The following HOXB3 variants were observed in gnomAD, a reference collection of about 807,000 sequenced individuals.
The protein encoded by HOXB3 is homeobox B3.
In HOXB3, 17 loss-of-function variants were observed where a neutral mutation model predicts 29.2. The ratio of observed to expected loss-of-function variants is 0.58; its 90% CI spans 0.40 to 0.87. The LOEUF is 0.87. Among genes scored for constraint, HOXB3 ranks in the 40% least tolerant of loss-of-function variants. The probability of loss-of-function intolerance (pLI) is 0.00; values close to 1 mark genes in which losing one functional copy is unlikely to be tolerated. For synonymous variants in HOXB3, 317 were observed against 285.9 expected, an observed-to-expected ratio of 1.11 and a Z score of -1.10; for missense variants, 637 against 616.3, an observed-to-expected ratio of 1.03 and a Z score of -0.35.
chr17:48,589,852 G>T (rs958164652), intron 1 of HOXB3, among the ~76,000 whole-genome samples: 1 of 151,830 alleles, frequency 6.6e-6, no homozygotes, highest in Non-Finnish European at 1.5e-5. Flanking sequence ...CTAAATTTCC[G>T]CTGGCACTGA....
In HOXB3 at chr17:48,551,065, T is replaced by G. The variant is rs1034718978; in HGVS notation, c.565A>C (p.Lys189Gln). 1 of 1,556,632 alleles carries G rather than the reference T, an allele frequency of 6.4e-7. No homozygotes were observed. The highest frequency in any genetic ancestry group is 1.7e-4 in the Middle Eastern group (1 of 5,824). ...CTCGTGTACGCCGTCCGCGCCCGCT[T>G]GGACGCCGCCGACCCCGGGGGGCTC... ...DKSPPGSAAS[K>Q]RARTAYTSAQ... Residue 189 changes from lysine to glutamine, a missense_variant, in exon 5 of 5, where the codon AAG (lysine) becomes CAG (glutamine). Physicochemically the swap from Lys to Gln is moderately conservative, Grantham distance 53 (BLOSUM62 1). Coordinates refer to ENST00000498678, the MANE Select transcript of HOXB3 (RefSeq NM_001384749.1).
chr17:48,555,982 C>T (rs1434439497), intron 2 of HOXB3, among the ~76,000 whole-genome samples: 2 of 151,996 alleles, frequency 1.3e-5, no homozygotes, highest in African/African-American at 2.4e-5. Flanking sequence ...CACAGACACA[C>T]ACACACACTC....
rs1004684805 is a variant in HOXB3 at position 48,550,680 on chromosome 17, G to A, written c.950C>T (p.Ala317Val). Reference sequence around the variant, plus strand: ...CGGGGTCGGAGGGTACTTCTGCGGGGCGCCGCAGCCTTTGAGAGGGGGCTG... The same window carrying A: ...CGGGGTCGGAGGGTACTTCTGCGGGACGCCGCAGCCTTTGAGAGGGGGCTG... ...NYQPPLKGCG[A>V]PQKYPPTPAP... Residue 317 changes from alanine to valine, a missense_variant, in exon 5 of 5, where the codon GCC becomes GTC. Physicochemically the swap from Ala to Val is moderately conservative, Grantham distance 64. Coordinates refer to ENST00000498678, the MANE Select transcript of HOXB3 (RefSeq NM_001384749.1). The A allele has an allele frequency of 5.2e-6, 8 of 1,532,014 alleles. No homozygotes were observed. Among genetic ancestry groups the A allele is most frequent in the East Asian group, 2.3e-5 (1 of 44,104 alleles). The allele number at this position is 1,532,014 out of a possible 1,614,324, so 94.9% of individuals were successfully genotyped here.
At chr17:48,584,301 A>T (rs901811140) in intron 1 of HOXB3, among the ~76,000 whole-genome samples, 1 of 152,208 alleles carries the variant, frequency 6.6e-6, no homozygotes, top group Non-Finnish European at 1.5e-5. Context: ...GAGAATTAAC[A>T]AGCTAATCTT....
At chr17:48,582,073 A>C (rs1264635854) in intron 1 of HOXB3, 1 of 152,342 alleles carries the variant, frequency 6.6e-6, no homozygotes, top group Non-Finnish European at 1.5e-5. Context: ...TGGCAGCCAC[A>C]GGTTGCTAGC....
intron 2 of HOXB3, among the ~76,000 whole-genome samples, chr17:48,555,907 A>G (rs1230984733): frequency 6.6e-6 from 1 of 152,182 alleles, no homozygotes; most frequent in Non-Finnish European, 1.5e-5. Flanking sequence ...TGGTTGCCCT[A>G]TAAGACTGGT....
intron 3 of HOXB3, 186 bp downstream of exon 3, chr17:48,555,345 A>AGG: frequency 6.4e-6 from 3 of 467,008 alleles, no homozygotes; most frequent in South Asian, 6.2e-5. Flanking sequence ...GGAGAGAGAG[A>AGG]GAGAGAGAGA....
In HOXB3 at chr17:48,550,294, T is replaced by A. The variant is rs768137786; in HGVS notation, c.*40A>T. 6.2e-7 allele frequency: 1 copy of A among 1,612,336 alleles called. No homozygotes were observed. Among genetic ancestry groups the A allele is most frequent in the African/African-American group, 1.3e-5 (1 of 74,898 alleles). On this transcript the variant is annotated 3_prime_UTR_variant, in exon 5 of 5. Coordinates refer to ENST00000498678, the MANE Select transcript of HOXB3 (RefSeq NM_001384749.1). Reference sequence around the variant, plus strand: ...GCCCCCCAGAGCTCCACAGTCTCTCTCTTCCTCCCCATCCCCTAATCCTCG... The same window carrying A: ...GCCCCCCAGAGCTCCACAGTCTCTCACTTCCTCCCCATCCCCTAATCCTCG...
At chr17:48,571,839 C>T (rs965839802) in intron 2 of HOXB3, among the ~76,000 whole-genome samples, 9 of 152,226 alleles carry the variant, frequency 5.9e-5, no homozygotes, top group Non-Finnish European at 1.3e-4. Flanking sequence ...GAGTATCAAC[C>T]ACTCCAGTTA....
chr17:48,561,227 C>CACAT (rs3222951), intron 2 of HOXB3, among the ~76,000 whole-genome samples: 1 of 148,316 alleles, frequency 6.7e-6, no homozygotes, highest in Non-Finnish European at 1.5e-5. Context: ...CACACACACA[C>CACAT]TGAACAATGA....
chr17:48,555,236 C>A (rs2068916719), intron 3 of HOXB3, among the ~76,000 whole-genome samples: 1 of 151,678 alleles, frequency 6.6e-6, no homozygotes, highest in South Asian at 2.1e-4. Flanking sequence ...ACTTTCTTAG[C>A]AGCCGCGGAG....
intron 1 of HOXB3, chr17:48,576,659 CCCATCCCCTGCACTCACTG>C: frequency 1.1e-6 from 1 of 891,838 alleles, no homozygotes. Context: ...GTCCCCCCAC[CCCATCCCCTGCACTCACTG>C]CCCACCCCCA....
At position 48,555,557 on chromosome 17, in the gene HOXB3, G is replaced by A. The variant is rs1256557398; in HGVS notation, c.-185C>T. On this transcript the variant is annotated 5_prime_UTR_variant, in exon 3 of 5. Coordinates refer to ENST00000498678, the MANE Select transcript of HOXB3 (RefSeq NM_001384749.1). ...TTAGCCACCGACGAGGGGAGAACAG[G>A]CAGACATAATATATATTCACATCGA... 2 of 702,726 alleles carry A rather than the reference G, an allele frequency of 2.8e-6. No individual in the cohort carries two copies. Among genetic ancestry groups the A allele is most frequent in the Non-Finnish European group, 5.2e-6 (2 of 384,818 alleles). The allele number at this position is 702,726 out of a possible 1,614,324, so 43.5% of individuals were successfully genotyped here. A position where few individuals can be genotyped will look rare whatever the true frequency, so the allele number is the denominator to read the frequency against.
intron 1 of HOXB3, among the ~76,000 whole-genome samples, chr17:48,584,574 C>T (rs2070011195): frequency 6.6e-6 from 1 of 152,172 alleles, no homozygotes; most frequent in African/African-American, 2.4e-5. Context: ...GCCAGAAGTC[C>T]TACAAAGACG....
chr17:48,586,388 C>A (rs1597860632), intron 1 of HOXB3, among the ~76,000 whole-genome samples: 1 of 152,162 alleles, frequency 6.6e-6, no homozygotes, highest in Non-Finnish European at 1.5e-5. Context: ...AAAGAAAGAA[C>A]GAAAGATCCG....
rs2068668232 is a variant in HOXB3 at position 48,550,347 on chromosome 17, A to C, written c.1283T>G (p.Leu428Ter). Residue 428 changes from leucine to a stop codon, truncating the protein, a stop_gained, in exon 5 of 5, where the codon TTA becomes TGA. Transcript: ENST00000498678. LOFTEE classifies it high-confidence loss of function. ...PQGRIQEAPK[L>*]THL is the part of the protein sequence containing the mutation. ...CGCCCTTTCCCATCACAGGTGTGTT[A>C]ATTTGGGCGCTTCTTGGATTCTACC... The C allele has an allele frequency of 6.2e-7, 1 of 1,613,746 alleles. No homozygotes were observed. The highest frequency in any genetic ancestry group is 8.5e-7 in the Non-Finnish European group (1 of 1,180,000).
chr17:48,567,319 G>A (rs948370339), intron 2 of HOXB3, among the ~76,000 whole-genome samples: 12 of 152,316 alleles, frequency 7.9e-5, no homozygotes, highest in African/African-American at 2.2e-4. Flanking sequence ...TGGGCGCGGC[G>A]TTGCTCTAAC....
At position 48,576,523 on chromosome 17, in the gene HOXB3, C is replaced by T. The variant is rs970935281; in HGVS notation, c.-424-2509G>A. On this transcript the variant is annotated intron_variant, in intron 1 of 4. Coordinates refer to ENST00000498678, the MANE Select transcript of HOXB3 (RefSeq NM_001384749.1). ...AATCTTGCTTCTGGGGGGGCCTCCC[C>T]GTGGCCCTCTATTGTCATTTCTATA... is the stretch of plus-strand genomic sequence containing the variant. The T allele has an allele frequency of 1.2e-5, 5 of 417,274 alleles. No individual in the cohort carries two copies. In the East Asian group the frequency reaches 1.4e-4, roughly 12 times the overall value. The allele number at this position is 417,274 out of a possible 1,614,324, so 25.8% of individuals were successfully genotyped here.
intron 4 of HOXB3, 184 bp from the exon 5 acceptor site, chr17:48,551,365 G>A (rs1315799785): frequency 3.5e-6 from 2 of 578,354 alleles, no homozygotes; most frequent in Non-Finnish European, 4.9e-6. Context: ...CGCATTAGCG[G>A]ACACTCTATA....
Sources: gnomAD v4.1 joint callset for allele counts (sites outside exome capture counted in the v4.1 genomes callset) on GRCh38, gnomAD v4.1.1 for gene constraint, MANE v1.5 for transcripts, NCBI Gene and HGNC (gene_info 2026-07-23, HGNC 2026-07-21) for gene names.